Variants in SLC22A23 observed in about 807,000 individuals in gnomAD.
SLC22A23 encodes the protein ion transporter protein.
Under a neutral mutation model 61.0 loss-of-function variants are expected in SLC22A23, and 26 were observed. That is an observed-to-expected ratio of 0.43 (90% CI 0.31 to 0.59). The LOEUF (loss-of-function observed/expected upper bound fraction) is 0.59, where lower values mean the gene tolerates loss of function less well. Ranked by LOEUF, SLC22A23 falls within the 20% of genes least tolerant of loss-of-function variation. The probability of loss-of-function intolerance (pLI) is 0.11; values close to 1 mark genes in which losing one functional copy is unlikely to be tolerated. For missense variants in SLC22A23, 796 were observed against 934.7 expected, an observed-to-expected ratio of 0.85 and a Z score of 1.94; for synonymous variants, 430 against 413.9, an observed-to-expected ratio of 1.04 and a Z score of -0.47.
chr6:3,345,102 C>T (rs2127426975), intron 3 of SLC22A23, among the ~76,000 whole-genome samples: 1 of 152,318 alleles, frequency 6.6e-6, no homozygotes, highest in East Asian at 1.9e-4. Context: ...TTGGCTTTGT[C>T]AGAATTCTTA....
intron 3 of SLC22A23, among the ~76,000 whole-genome samples, chr6:3,351,223 G>A (rs1764748405): frequency 6.6e-6 from 1 of 152,168 alleles, no homozygotes; most frequent in Non-Finnish European, 1.5e-5. Flanking sequence ...AAAGCCCCCA[G>A]CTTTTGTGAG....
rs1003932350 is a variant in SLC22A23 at position 3,432,111 on chromosome 6, A to AG, written c.655-16257dup. The AG allele has an allele frequency of 1.3e-5, 9 of 717,604 alleles. No individual in the cohort carries two copies. The African/African-American group carries it at 1.7e-4, about 14-fold the overall frequency. 44.5% of individuals were successfully genotyped at this position (717,604 alleles called of 1,614,324 possible). On this transcript the variant is annotated intron_variant, in intron 1 of 9. Coordinates refer to ENST00000406686, the MANE Select transcript of SLC22A23 (RefSeq NM_015482.2). ...ATCTCTACCTTGGAAATTAGGTTCC[A>AG]GGGGGCTGAGTAATCCCCAAGGTTC...
intron 1 of SLC22A23, among the ~76,000 whole-genome samples, chr6:3,419,691 C>T (rs1277781686): frequency 1.3e-5 from 2 of 152,162 alleles, no homozygotes; most frequent in Non-Finnish European, 1.5e-5. Flanking sequence ...GGCACAGTTC[C>T]CTGGACAGGC....
At chr6:3,356,583 T>G (rs889332517) in intron 3 of SLC22A23, among the ~76,000 whole-genome samples, 1 of 152,158 alleles carries the variant, frequency 6.6e-6, no homozygotes, top group East Asian at 1.9e-4. Context: ...GTAGTGTTTA[T>G]TTTAGAACCA....
chr6:3,432,430 T>C, intron 1 of SLC22A23: 1 of 974,082 alleles, frequency 1.0e-6, no homozygotes, highest in Non-Finnish European at 1.2e-6. Context: ...TGCTGTTGTG[T>C]ACAACTGCTC....
chr6:3,340,458 C>T (rs933078144), intron 3 of SLC22A23, among the ~76,000 whole-genome samples: 10 of 152,120 alleles, frequency 6.6e-5, no homozygotes, highest in African/African-American at 9.7e-5. Context: ...TGACAAATTG[C>T]CCCTTTAGTT....
intron 3 of SLC22A23, among the ~76,000 whole-genome samples, chr6:3,354,609 A>C (rs1764962606): frequency 6.6e-6 from 1 of 152,210 alleles, no homozygotes; most frequent in Non-Finnish European, 1.5e-5. Flanking sequence ...TTAGTGGGTA[A>C]AGCAATGGAT....
Position 3,342,362 on chromosome 6 carries a change from G to A in SLC22A23, c.914-18360C>T, listed in dbSNP as rs1044588608. 3.3e-5 allele frequency among the ~76,000 whole-genome samples: 5 copies of A among 152,176 alleles called. No homozygotes were observed. The highest frequency in any genetic ancestry group is 1.5e-5 in the Non-Finnish European group (1 of 68,034). On this transcript the variant is annotated intron_variant, in intron 3 of 9. Transcript: ENST00000406686. This position sits in a 1 kb window ranked among gnomAD's most constrained non-coding sequence, Gnocchi z 4.0. ...AATACCTTACTTCATTTAGGCAACC[G>A]AATACTAAAATTTGAAATTCAGAAT...
At chr6:3,344,903 C>T (rs543836018) in intron 3 of SLC22A23, among the ~76,000 whole-genome samples, 1 of 147,938 alleles carries the variant, frequency 6.8e-6, no homozygotes, top group African/African-American at 2.6e-5. Context: ...GCAGCCTGGG[C>T]TGAGGAAACC....
chr6:3,438,775 C>G (rs1771391618), intron 1 of SLC22A23, among the ~76,000 whole-genome samples: 1 of 152,222 alleles, frequency 6.6e-6, no homozygotes. Flanking sequence ...CCCAAACATG[C>G]TTTCCTAGGT....
At chr6:3,383,381 T>C (rs954108374) in intron 3 of SLC22A23, among the ~76,000 whole-genome samples, 15 of 152,210 alleles carry the variant, frequency 9.9e-5, no homozygotes, top group African/African-American at 3.4e-4. Context: ...CCAGGGTGCC[T>C]GAAAGGCACC....
chr6:3,310,289 G>T (rs554638428), intron 4 of SLC22A23, among the ~76,000 whole-genome samples: 18 of 121,376 alleles, frequency 1.5e-4, no homozygotes, highest in African/African-American at 5.1e-4. Context: ...CTGTCTCCCA[G>T]GGAGCACCCT....
At chr6:3,284,090 A>G (rs942777941) in intron 8 of SLC22A23, 115 bp from the exon 9 acceptor site, 42 of 1,065,878 alleles carry the variant, frequency 3.9e-5, no homozygotes, top group Non-Finnish European at 5.3e-5. Flanking sequence ...TGCGGCATGG[A>G]TGGGTATGCA....
chr6:3,353,855 C>T (rs1378413949), intron 3 of SLC22A23, among the ~76,000 whole-genome samples: 1 of 152,160 alleles, frequency 6.6e-6, no homozygotes, highest in Middle Eastern at 3.2e-3. Context: ...TTCCCAGGAC[C>T]CCAGTTCTGG....
At chr6:3,326,832 A>T (rs1661790884) in intron 3 of SLC22A23, among the ~76,000 whole-genome samples, 1 of 152,240 alleles carries the variant, frequency 6.6e-6, no homozygotes, top group Non-Finnish European at 1.5e-5. Flanking sequence ...AAAAGAAAGC[A>T]ATGATTAAGA....
intron 3 of SLC22A23, among the ~76,000 whole-genome samples, chr6:3,353,410 C>T (rs995744540): frequency 1.3e-5 from 2 of 152,226 alleles, no homozygotes; most frequent in East Asian, 3.8e-4. Context: ...AAATAACTTC[C>T]TGTGTCTCAA....
chr6:3,299,998 CTTTTTTTTTTTTTT>C (rs869114176), intron 4 of SLC22A23, among the ~76,000 whole-genome samples: 7 of 78,804 alleles, frequency 8.9e-5, no homozygotes, highest in South Asian at 5.8e-4. Context: ...TCAGGATAGA[CTTTTTTTTTTTTTT>C]TTTTTTTTTT....
rs202172328 is a variant in SLC22A23 at position 3,273,051 on chromosome 6, C to T, written c.*4G>A. 2.6e-4 allele frequency: 408 copies of T among 1,540,676 alleles called. No individual in the cohort carries two copies. The highest frequency in any genetic ancestry group is 7.0e-4 in the Middle Eastern group (4 of 5,754). ...CCCTGGAGCCCCGGGTTCCGCAGGC[C>T]GGGCTACATGGCCTTCATGCCGTTG... On this transcript the variant is annotated 3_prime_UTR_variant, in exon 10 of 10. Coordinates refer to ENST00000406686, the MANE Select transcript of SLC22A23 (RefSeq NM_015482.2).
intron 9 of SLC22A23, among the ~76,000 whole-genome samples, chr6:3,281,772 G>A (rs1259528412): frequency 1.3e-5 from 2 of 152,134 alleles, no homozygotes; most frequent in South Asian, 2.1e-4. Flanking sequence ...GGCTCCCAGC[G>A]AGAAGAGGGA....
Sources: gnomAD v4.1 joint callset for allele counts (sites outside exome capture counted in the v4.1 genomes callset) on GRCh38, gnomAD v4.1.1 for gene constraint, Gnocchi (gnomAD v3.1) non-coding constraint, MANE v1.5 for transcripts, NCBI Gene and HGNC (gene_info 2026-07-23, HGNC 2026-07-21) for gene names.